Variants in ASIC2 observed in about 807,000 individuals in gnomAD.
ASIC2 encodes acid-sensing ion channel 2.
Under a neutral mutation model 57.3 loss-of-function variants are expected in ASIC2, and 25 were observed. The observed-to-expected ratio is 0.44, with a 90% CI of 0.32 to 0.61. ASIC2 has a LOEUF of 0.61. Among genes scored for constraint, ASIC2 ranks in the 20% least tolerant of loss-of-function variants. The pLI is 0.06. For missense variants in ASIC2, 641 were observed against 738.1 expected (o/e 0.87, Z 1.52); for synonymous variants, 319 against 307.5 (o/e 1.04, Z -0.39).
intron 1 of ASIC2, among the ~76,000 whole-genome samples, chr17:33,166,491 A>G (rs1905310878): frequency 6.6e-6 from 1 of 152,214 alleles, no homozygotes. Flanking sequence ...TGGGAAAATT[A>G]AGAAATGTTT....
chr17:33,880,204 G>A (rs1239449687), intron 1 of ASIC2, among the ~76,000 whole-genome samples: 1 of 152,166 alleles, frequency 6.6e-6, no homozygotes, highest in Non-Finnish European at 1.5e-5. Flanking sequence ...AACTAGAGAA[G>A]CAAGAGCAAA....
At chr17:33,901,906 T>C (rs117211065) in intron 1 of ASIC2, among the ~76,000 whole-genome samples, 3,152 of 152,312 alleles carry the variant, frequency 0.021, 42 homozygotes, top group Non-Finnish European at 0.032. Flanking sequence ...ATTGCGACTA[T>C]GCTCGATCAC....
chr17:33,859,030 G>A (rs317342), intron 1 of ASIC2, among the ~76,000 whole-genome samples: 66,316 of 152,082 alleles, frequency 0.44, 16,084 homozygotes, highest in East Asian at 0.68. Flanking sequence ...CATTCATGTA[G>A]TCAATATCTG....
At chr17:33,344,725 A>AT (rs1907875933) in intron 1 of ASIC2, among the ~76,000 whole-genome samples, 1 of 151,664 alleles carries the variant, frequency 6.6e-6, no homozygotes, top group Admixed American at 6.6e-5. Context: ...CTGCTCACAC[A>AT]TTTTTTCAGG....
rs114485250 is a variant in ASIC2 at position 34,126,904 on chromosome 17, C to T, written c.555+29074G>A. On this transcript the variant is annotated intron_variant, in intron 1 of 9. Coordinates refer to the ASIC2 transcript ENST00000359872. The stretch of plus-strand genomic sequence containing the variant: ...TGCGTGAACCATGTGCTGAGTAGCC[C>T]GGGCACGTCCCTGGAAAATACACAT... Among the ~76,000 whole-genome samples, 521 of 152,220 alleles carry T rather than the reference C, an allele frequency of 3.4e-3. 2 individuals carry two copies. The highest frequency in any genetic ancestry group is 0.012 in the African/African-American group (490 of 41,534).
intron 1 of ASIC2, among the ~76,000 whole-genome samples, chr17:34,095,637 A>ATATATATATATAATAT (rs1361916461): frequency 4.7e-5 from 6 of 126,686 alleles, no homozygotes; most frequent in African/African-American, 2.2e-4. Context: ...ATAATTTTAT[A>ATATATATATATAATAT]TATATATATA....
At chr17:33,382,963 A>G (rs376000414) in intron 1 of ASIC2, among the ~76,000 whole-genome samples, 3 of 152,246 alleles carry the variant, frequency 2.0e-5, no homozygotes, top group African/African-American at 7.2e-5. Context: ...TGCCTACAAG[A>G]TCTTTCTCCT....
At chr17:33,056,360 C>T (rs2091997884) in intron 3 of ASIC2, among the ~76,000 whole-genome samples, 1 of 152,146 alleles carries the variant, frequency 6.6e-6, no homozygotes, top group African/African-American at 2.4e-5. Context: ...TGAAAGTGTC[C>T]AAGTTAAAAA....
rs932211103 is a variant in ASIC2 at position 33,071,587 on chromosome 17, T to C, written c.987+17276A>G. 2.0e-5 allele frequency among the ~76,000 whole-genome samples: 3 copies of C among 152,250 alleles called. No individual in the cohort carries two copies. In the East Asian group the frequency reaches 5.8e-4, roughly 29 times the overall value. The stretch of plus-strand genomic sequence containing the variant: ...TCATAGGTCATATTTTCCTGCTTCT[T>C]TGCATGCCAATCATGGATGCCAGAC... On this transcript the variant is annotated intron_variant, in intron 3 of 9. Coordinates refer to ENST00000225823, the MANE Select transcript of ASIC2 (RefSeq NM_183377.2).
chr17:33,057,715 T>C (rs2092003734), intron 3 of ASIC2, among the ~76,000 whole-genome samples: 2 of 152,252 alleles, frequency 1.3e-5, no homozygotes, highest in African/African-American at 2.4e-5. Context: ...TGGTTCTGGT[T>C]GAGGCTTTGC....
At chr17:34,012,435 C>A (rs148531407) in intron 1 of ASIC2, among the ~76,000 whole-genome samples, 3 of 152,162 alleles carry the variant, frequency 2.0e-5, no homozygotes, top group Non-Finnish European at 4.4e-5. Context: ...CATTTTCATG[C>A]GGTTGCACAT....
At chr17:33,637,984 CAG>C (rs781714852) in intron 1 of ASIC2, among the ~76,000 whole-genome samples, 8 of 152,062 alleles carry the variant, frequency 5.3e-5, no homozygotes, top group African/African-American at 7.2e-5. Context: ...TTCTTGTGTA[CAG>C]AGTCTGCCTC....
At chr17:33,763,197 A>G (rs1009482038) in intron 1 of ASIC2, among the ~76,000 whole-genome samples, 5 of 152,218 alleles carry the variant, frequency 3.3e-5, no homozygotes, top group Non-Finnish European at 7.3e-5. Context: ...TTCAGAGACC[A>G]TATGTCTTGT....
At chr17:33,015,267 G>A (rs773935255) in intron 9 of ASIC2, among the ~76,000 whole-genome samples, 7 of 152,188 alleles carry the variant, frequency 4.6e-5, no homozygotes, top group African/African-American at 2.4e-5. Context: ...GAAAGCTGGC[G>A]ACACCTGCAC....
At chr17:33,872,195 C>T (rs934867543) in intron 1 of ASIC2, among the ~76,000 whole-genome samples, 2 of 152,028 alleles carry the variant, frequency 1.3e-5, no homozygotes, top group Admixed American at 1.3e-4. Context: ...CCCTTTAAGC[C>T]CAGCCTGAGA....
At chr17:33,085,287 AC>A (rs1425500270) in intron 3 of ASIC2, among the ~76,000 whole-genome samples, 2 of 152,246 alleles carry the variant, frequency 1.3e-5, no homozygotes, top group Non-Finnish European at 2.9e-5. Flanking sequence ...TATAAGATGC[AC>A]CATGATTTTA....
At chr17:34,025,661 GTAATAGCAGGTTAGGATCGGATTTTA>G (rs1222536491) in intron 1 of ASIC2, among the ~76,000 whole-genome samples, 4 of 152,232 alleles carry the variant, frequency 2.6e-5, no homozygotes, top group African/African-American at 9.6e-5. Flanking sequence ...CAAAGCCAAT[GTAATAGCAGGTTAGGATCGGATTTTA>G]GTTTTAGGTC....
intron 1 of ASIC2, among the ~76,000 whole-genome samples, chr17:33,850,290 A>T (rs1483184646): frequency 6.6e-6 from 1 of 152,236 alleles, no homozygotes; most frequent in Non-Finnish European, 1.5e-5. Flanking sequence ...TCTGTGCAAC[A>T]GTCAAAAATA....
At chr17:33,139,855 T>TCCTG (rs967668606) in intron 1 of ASIC2, among the ~76,000 whole-genome samples, 2 of 152,220 alleles carry the variant, frequency 1.3e-5, no homozygotes, top group African/African-American at 4.8e-5. Flanking sequence ...TCAGCCTGGG[T>TCCTG]CCTGCCATTA....
Sources: allele counts gnomAD v4.1 joint callset (sites outside exome capture counted in the v4.1 genomes callset), GRCh38; gene constraint gnomAD v4.1.1; transcripts MANE v1.5; gene names NCBI Gene and HGNC (gene_info 2026-07-23, HGNC 2026-07-21).